The following CFAP299 variants were observed in gnomAD, a reference collection of about 807,000 sequenced individuals.
CFAP299 encodes the protein cilia and flagella associated protein 299.
Under a neutral mutation model 27.0 loss-of-function variants are expected in CFAP299, and 21 were observed. The observed-to-expected ratio is 0.78, with a 90% confidence interval of 0.55 to 1.12. CFAP299 has a LOEUF of 1.12. Ranked by LOEUF, CFAP299 falls within the 50% of genes most tolerant of loss-of-function variation. The pLI is 0.00. For missense variants in CFAP299, 310 were observed against 276.6 expected (o/e 1.12, Z -0.86); for synonymous variants, 104 against 98.1 (o/e 1.06, Z -0.36).
chr4:80,719,702 G>C (rs963549745), intron 3 of CFAP299, among the ~76,000 whole-genome samples: 3 of 152,182 alleles, frequency 2.0e-5, no homozygotes, highest in Non-Finnish European at 4.4e-5. Flanking sequence ...CACCACTGCA[G>C]TGTAGGTAAG....
intron 3 of CFAP299, among the ~76,000 whole-genome samples, chr4:80,643,351 C>T (rs994293731): frequency 6.6e-6 from 1 of 152,004 alleles, no homozygotes; most frequent in Non-Finnish European, 1.5e-5. Flanking sequence ...AAGAGAAGAA[C>T]TGCCAAAAGA....
At chr4:80,397,540 A>G (rs1453114283) in intron 2 of CFAP299, among the ~76,000 whole-genome samples, 2 of 152,186 alleles carry the variant, frequency 1.3e-5, no homozygotes, top group African/African-American at 4.8e-5. Flanking sequence ...TTCCCTCTAC[A>G]CACTGCTTTA....
At chr4:80,523,994 G>C (rs928067720) in intron 2 of CFAP299, among the ~76,000 whole-genome samples, 1 of 152,052 alleles carries the variant, frequency 6.6e-6, no homozygotes, top group Non-Finnish European at 1.5e-5. Context: ...TAATAGCCAG[G>C]CCTTTGGGTT....
intron 3 of CFAP299, among the ~76,000 whole-genome samples, chr4:80,736,149 C>A (rs1387080284): frequency 6.6e-6 from 1 of 152,066 alleles, no homozygotes; most frequent in African/African-American, 2.4e-5. Context: ...GACATGAAGT[C>A]CTTGCCCATG....
chr4:80,673,410 G>A (rs1741622692), intron 3 of CFAP299, among the ~76,000 whole-genome samples: 1 of 152,128 alleles, frequency 6.6e-6, no homozygotes, highest in African/African-American at 2.4e-5. Flanking sequence ...TACATTTGCT[G>A]AGGCATGCTT....
chr4:80,828,503 G>A (rs1296372134), intron 3 of CFAP299, among the ~76,000 whole-genome samples: 1 of 152,012 alleles, frequency 6.6e-6, no homozygotes, highest in Non-Finnish European at 1.5e-5. Flanking sequence ...GCAGGGCTTG[G>A]TAGGAGGTGT....
chr4:80,664,866 C>T (rs1741068542), intron 3 of CFAP299, among the ~76,000 whole-genome samples: 2 of 152,086 alleles, frequency 1.3e-5, no homozygotes, highest in Non-Finnish European at 2.9e-5. Context: ...GTGTAGGCAC[C>T]CAAGGGAATC....
intron 2 of CFAP299, among the ~76,000 whole-genome samples, chr4:80,373,636 TC>T (rs1724261743): frequency 6.6e-6 from 1 of 152,186 alleles, no homozygotes; most frequent in Admixed American, 6.5e-5. Context: ...TAAACCATCT[TC>T]ATAACTTTCT....
intron 3 of CFAP299, among the ~76,000 whole-genome samples, chr4:80,789,955 T>C (rs923508463): frequency 6.6e-6 from 1 of 152,048 alleles, no homozygotes; most frequent in Non-Finnish European, 1.5e-5. Flanking sequence ...TGTTAATATA[T>C]CTACTAGTAT....
At chr4:80,335,955 G>C in intron 1 of CFAP299, 76 bp downstream of exon 1, 3 of 937,056 alleles carry the variant, frequency 3.2e-6, no homozygotes, top group Non-Finnish European at 3.5e-6. Context: ...TTCGTGGGCT[G>C]GTCGCCCCCT....
At chr4:80,328,968 A>G in the CFAP299 span, among the ~76,000 whole-genome samples, 1 of 152,048 alleles carries the variant, frequency 6.6e-6, no homozygotes, top group Admixed American at 6.6e-5. Flanking sequence ...CACTCTGTAC[A>G]CCAAGCTTGT....
At chr4:80,621,603 T>C (rs1310327041) in intron 3 of CFAP299, among the ~76,000 whole-genome samples, 1 of 152,104 alleles carries the variant, frequency 6.6e-6, no homozygotes, top group Non-Finnish European at 1.5e-5. Context: ...TATTTCTGTA[T>C]GCCAAGCACT....
intron 4 of CFAP299, among the ~76,000 whole-genome samples, chr4:80,891,641 G>A (rs1434092750): frequency 1.2e-4 from 13 of 109,732 alleles, no homozygotes; most frequent in South Asian, 3.8e-4. Context: ...GGGAGGGATA[G>A]CATTGGGAGA....
chr4:80,842,088 G>A (rs1250174615), intron 3 of CFAP299, among the ~76,000 whole-genome samples: 2 of 151,944 alleles, frequency 1.3e-5, no homozygotes, highest in Non-Finnish European at 2.9e-5. Context: ...TGGGGTGGCT[G>A]GTGAGGATGG....
intron 3 of CFAP299, among the ~76,000 whole-genome samples, chr4:80,693,140 G>A (rs561376732): frequency 2.0e-5 from 3 of 152,210 alleles, no homozygotes; most frequent in East Asian, 1.9e-4. Flanking sequence ...CAGTGTGGGC[G>A]ATTCCTCAGG....
chr4:80,749,951 TC>T lies in CFAP299; in HGVS notation c.334-120041del, dbSNP rs1181952003. 7.9e-5 allele frequency among the ~76,000 whole-genome samples: 12 copies of T among 152,326 alleles called. No homozygotes were observed. The East Asian group carries it at 2.3e-3, about 29-fold the overall frequency. On this transcript the variant is annotated intron_variant, in intron 3 of 5. Transcript: ENST00000358105. ...ACAATATTAACCATCACAGTACTTA[TC>T]ATAGTACCTGATACTTGGTAAGTGA... is the stretch of plus-strand genomic sequence containing the variant.
intron 4 of CFAP299, among the ~76,000 whole-genome samples, chr4:80,894,285 C>A (rs999394490): frequency 1.3e-5 from 2 of 151,864 alleles, no homozygotes; most frequent in Non-Finnish European, 2.9e-5. Context: ...GAGTCAGTTT[C>A]TTTGTTCCCC....
intron 4 of CFAP299, among the ~76,000 whole-genome samples, chr4:80,902,086 G>T (rs1734929381): frequency 2.6e-5 from 4 of 151,716 alleles, no homozygotes; most frequent in South Asian, 4.2e-4. Flanking sequence ...TTTCCAGCTG[G>T]GTCAGGTGCC....
At chr4:80,895,794 A>C (rs1429092501) in intron 4 of CFAP299, among the ~76,000 whole-genome samples, 27 of 152,034 alleles carry the variant, frequency 1.8e-4, no homozygotes, top group Admixed American at 1.8e-3. Flanking sequence ...AGTGGTAAGG[A>C]AAAACTACTA....
Sources: gnomAD v4.1 joint callset for allele counts (sites outside exome capture counted in the v4.1 genomes callset) on GRCh38, gnomAD v4.1.1 for gene constraint, MANE v1.5 for transcripts, NCBI Gene and HGNC (gene_info 2026-07-23, HGNC 2026-07-21) for gene names.